The following TPD52L1 variants were observed in gnomAD, a reference collection of about 807,000 sequenced individuals.
TPD52L1 encodes tumor protein D53.
In TPD52L1, 18 loss-of-function variants were observed where a neutral mutation model predicts 28.7. That is an observed-to-expected ratio of 0.63 (90% CI 0.43 to 0.93). The LOEUF is 0.93. Among genes scored for constraint, TPD52L1 ranks in the 40% least tolerant of loss-of-function variants. The probability of loss-of-function intolerance (pLI) is 0.00; values close to 1 mark genes in which losing one functional copy is unlikely to be tolerated. For synonymous variants in TPD52L1, 75 were observed against 88.8 expected (o/e 0.84, Z 0.88); for missense variants, 203 against 254.8 (o/e 0.80, Z 1.39).
At chr6:125,235,438 A>G (rs2115002711) in intron 3 of TPD52L1, among the ~76,000 whole-genome samples, 1 of 152,248 alleles carries the variant, frequency 6.6e-6, no homozygotes, top group African/African-American at 2.4e-5. Flanking sequence ...ATAAAAATAA[A>G]AACTCATAAT....
At position 125,153,940 on chromosome 6, in the gene TPD52L1, A is replaced by G. The variant is rs1300693156; in HGVS notation, c.-12A>G. The G allele has an allele frequency of 6.2e-7, 1 of 1,605,870 alleles. No individual in the cohort carries two copies. Among genetic ancestry groups the G allele is most frequent in the Non-Finnish European group, 8.5e-7 (1 of 1,178,330 alleles). ...GGGTGTCCCCGCCGCCCTCAGCTCG[A>G]AGTCAGCCACCATGGAGGCGCAGGC... On this transcript the variant is annotated 5_prime_UTR_variant, in exon 1 of 7. Transcript: ENST00000534000.
intron 3 of TPD52L1, among the ~76,000 whole-genome samples, chr6:125,241,868 G>T (rs1796632853): frequency 6.7e-6 from 1 of 149,882 alleles, no homozygotes. Flanking sequence ...TGCTGGGTTT[G>T]GGTTTGGTTT....
At chr6:125,214,014 A>G (rs1480422712) in intron 1 of TPD52L1, among the ~76,000 whole-genome samples, 2 of 152,112 alleles carry the variant, frequency 1.3e-5, no homozygotes, top group Non-Finnish European at 1.5e-5. Context: ...GCCAGAGGAG[A>G]GTTCTTGGAA....
chr6:125,159,977 G>A (rs1184117243), intron 1 of TPD52L1, among the ~76,000 whole-genome samples: 1 of 152,174 alleles, frequency 6.6e-6, no homozygotes, highest in African/African-American at 2.4e-5. Flanking sequence ...ATGATAGCAA[G>A]TCTCACGAGA....
At chr6:125,209,998 A>G (rs1335812063) in intron 1 of TPD52L1, among the ~76,000 whole-genome samples, 1 of 152,172 alleles carries the variant, frequency 6.6e-6, no homozygotes, top group Non-Finnish European at 1.5e-5. Context: ...GAATTCTATG[A>G]TATTATTAGT....
intron 1 of TPD52L1, among the ~76,000 whole-genome samples, chr6:125,186,746 G>C (rs1269693066): frequency 6.6e-6 from 1 of 152,160 alleles, no homozygotes; most frequent in African/African-American, 2.4e-5. Context: ...ATAGTTAGGG[G>C]CAGAAAACTG....
chr6:125,243,668 T>C (rs1796752982), intron 3 of TPD52L1, among the ~76,000 whole-genome samples: 2 of 152,132 alleles, frequency 1.3e-5, no homozygotes, highest in South Asian at 2.1e-4. Context: ...CCTTATGATA[T>C]ATATTTCTCT....
At chr6:125,200,646 G>A (rs1474082677) in intron 1 of TPD52L1, among the ~76,000 whole-genome samples, 1 of 152,154 alleles carries the variant, frequency 6.6e-6, no homozygotes, top group Non-Finnish European at 1.5e-5. Context: ...TCATACAAAT[G>A]CATGGATGTT....
intron 3 of TPD52L1, among the ~76,000 whole-genome samples, chr6:125,247,660 T>C (rs555382040): frequency 1.3e-5 from 2 of 152,336 alleles, no homozygotes; most frequent in East Asian, 3.8e-4. Flanking sequence ...AATGGCTTCC[T>C]TGCCCTCAAG....
chr6:125,168,196 A>G (rs964791665), intron 1 of TPD52L1, among the ~76,000 whole-genome samples: 1 of 152,164 alleles, frequency 6.6e-6, no homozygotes, highest in Non-Finnish European at 1.5e-5. Flanking sequence ...CTTGTTTGCA[A>G]TGACCTAGGA....
At chr6:125,219,430 A>G (rs1372250777) in intron 1 of TPD52L1, among the ~76,000 whole-genome samples, 5 of 152,214 alleles carry the variant, frequency 3.3e-5, no homozygotes, top group African/African-American at 1.2e-4. Flanking sequence ...GCTTCGAGCC[A>G]CATCTGCAGT....
At chr6:125,227,877 T>C (rs80211080) in intron 2 of TPD52L1, among the ~76,000 whole-genome samples, 2,743 of 152,340 alleles carry the variant, frequency 0.018, 95 homozygotes, top group African/African-American at 0.061. Flanking sequence ...TCTGCTTTTC[T>C]GTAGCACAGG....
chr6:125,241,082 A>G (rs1218861399), intron 3 of TPD52L1, among the ~76,000 whole-genome samples: 2 of 152,096 alleles, frequency 1.3e-5, no homozygotes, highest in African/African-American at 4.8e-5. Flanking sequence ...TATTGAGATG[A>G]TCATATGATT....
intron 1 of TPD52L1, among the ~76,000 whole-genome samples, chr6:125,203,337 C>G (rs1040462577): frequency 1.3e-5 from 2 of 151,684 alleles, no homozygotes; most frequent in Non-Finnish European, 2.9e-5. Context: ...TTTTTCCTTC[C>G]CAAATTTGTG....
At position 125,185,125 on chromosome 6, in the gene TPD52L1, A is replaced by C. The variant is rs1419907792; in HGVS notation, c.19+31155A>C. On this transcript the variant is annotated intron_variant, in intron 1 of 6. Coordinates refer to ENST00000534000, the MANE Select transcript of TPD52L1 (RefSeq NM_003287.4). ...AGAGGAGCAATTTGTAAAGTCATAA[A>C]CTTCCATGTCCAAATAACACAGCAA... Among the ~76,000 whole-genome samples the C allele has an allele frequency of 2.0e-5, 3 of 152,338 alleles. No homozygotes were observed. In the East Asian group the frequency reaches 5.8e-4, roughly 29 times the overall value.
At chr6:125,221,201 G>C (rs1474326812) in intron 2 of TPD52L1, among the ~76,000 whole-genome samples, 1 of 152,202 alleles carries the variant, frequency 6.6e-6, no homozygotes, top group Non-Finnish European at 1.5e-5. Context: ...CAAAATGAAA[G>C]AGCAGCACGT....
At chr6:125,262,605 G>T (rs1562416572) in intron 6 of TPD52L1, 3 of 468,502 alleles carry the variant, frequency 6.4e-6, no homozygotes, top group South Asian at 2.6e-5. Context: ...ATAAAGAGAG[G>T]GTTGCTAAAA....
chr6:125,193,642 A>G (rs953712103), intron 1 of TPD52L1, among the ~76,000 whole-genome samples: 1 of 152,228 alleles, frequency 6.6e-6, no homozygotes, highest in Non-Finnish European at 1.5e-5. Context: ...GAAAATATAT[A>G]CATGAAAAGA....
intron 3 of TPD52L1, among the ~76,000 whole-genome samples, chr6:125,246,522 A>G (rs1380311420): frequency 6.6e-6 from 1 of 152,196 alleles, no homozygotes; most frequent in Non-Finnish European, 1.5e-5. Flanking sequence ...TGATAATAAT[A>G]TTTGATTTCA....
Sources: allele counts gnomAD v4.1 joint callset (sites outside exome capture counted in the v4.1 genomes callset), GRCh38; gene constraint gnomAD v4.1.1; transcripts MANE v1.5; gene names NCBI Gene and HGNC (gene_info 2026-07-23, HGNC 2026-07-21).